TRPC5: variants seen among roughly 807,000 people sequenced by gnomAD.
TRPC5 encodes the protein transient receptor potential cation channel subfamily C member 5, also known as short transient receptor potential channel 5.
A neutral mutation model predicts 56.5 loss-of-function variants in TRPC5; 9 were observed. That is an observed-to-expected ratio of 0.16 (90% CI 0.10 to 0.28). The LOEUF (loss-of-function observed/expected upper bound fraction) is 0.28, where lower values mean the gene tolerates loss of function less well. Ranked by LOEUF, TRPC5 falls within the 10% of genes least tolerant of loss-of-function variation. The pLI is 1.00. For synonymous variants in TRPC5, 282 were observed against 278.5 expected (o/e 1.01, Z -0.13); for missense variants, 469 against 748.9 (o/e 0.63, Z 4.36).
chrX:111,848,979 G>C (rs1181914879), intron 5 of TRPC5, among the ~76,000 whole-genome samples: 3 of 112,069 alleles, frequency 2.7e-5, no homozygotes, highest in Non-Finnish European at 3.8e-5. Flanking sequence ...CAGACACTCA[G>C]TCTAGCACTA....
chrX:112,065,399 T>C (rs2147742325), intron 1 of TRPC5, among the ~76,000 whole-genome samples: 1 of 112,146 alleles, frequency 8.9e-6, no homozygotes, highest in South Asian at 3.8e-4. Context: ...GAATCCTCCT[T>C]TTCCCTTATT....
intron 1 of TRPC5, among the ~76,000 whole-genome samples, chrX:112,045,059 A>G (rs1929985605): frequency 8.9e-6 from 1 of 112,485 alleles, no homozygotes; most frequent in Admixed American, 9.5e-5. Context: ...CTGATAATAG[A>G]TAGTCCTTCC....
intron 2 of TRPC5, among the ~76,000 whole-genome samples, chrX:111,916,823 G>T (rs1925990582): frequency 8.9e-6 from 1 of 112,694 alleles, no homozygotes; most frequent in African/African-American, 3.2e-5. Flanking sequence ...ACAGTGTGCA[G>T]GCCAAGCAAA....
intron 3 of TRPC5, among the ~76,000 whole-genome samples, chrX:111,897,634 C>A (rs1160527463): frequency 9.0e-6 from 1 of 111,619 alleles, no homozygotes; most frequent in Admixed American, 9.5e-5. Context: ...AATCATACAG[C>A]ATATAATCTT....
intron 1 of TRPC5, among the ~76,000 whole-genome samples, chrX:111,997,576 G>A (rs1928575477): frequency 9.0e-6 from 1 of 111,266 alleles, no homozygotes; most frequent in African/African-American, 3.3e-5. Context: ...ATAATATCCT[G>A]AAGAGTGTTT....
intron 1 of TRPC5, among the ~76,000 whole-genome samples, chrX:111,964,011 C>T (rs1430540904): frequency 2.7e-5 from 3 of 111,096 alleles, no homozygotes; most frequent in South Asian, 3.8e-4. Context: ...AGGCTTCAGA[C>T]GATCAAACTA....
intron 3 of TRPC5, chrX:111,901,855 T>A (rs906166753): frequency 8.8e-7 from 1 of 1,131,205 alleles, no homozygotes; most frequent in African/African-American, 1.8e-5. Context: ...GCAGCATGGA[T>A]TCTGTGTTAA....
At position 111,771,780 on chromosome X, in the gene TRPC5, T is replaced by A. The variant is rs930374408; in HGVS notation, c.*4533A>T. ...GTTATTCTGACCTAAATGCTTTTTT[T>A]TTTTTTAAACAAAACCAGGAACCTC... is the stretch of plus-strand genomic sequence containing the variant. On this transcript the variant is annotated 3_prime_UTR_variant, in exon 11 of 11. Coordinates refer to ENST00000262839, the MANE Select transcript of TRPC5 (RefSeq NM_012471.3). Among the ~76,000 whole-genome samples the A allele has an allele frequency of 8.1e-5, 9 of 110,945 alleles. No homozygotes were observed. In the South Asian group the frequency reaches 3.5e-3, roughly 43 times the overall value.
intron 1 of TRPC5, among the ~76,000 whole-genome samples, chrX:111,978,393 G>A (rs575229480): frequency 1.8e-5 from 2 of 111,407 alleles, no homozygotes; most frequent in South Asian, 7.5e-4. Context: ...TCAAATTCAA[G>A]GAAGAAGAGA....
At chrX:111,968,006 C>T (rs1603122755) in intron 1 of TRPC5, among the ~76,000 whole-genome samples, 1 of 110,685 alleles carries the variant, frequency 9.0e-6, no homozygotes. Context: ...TTCTGCACAG[C>T]AAAAGAAACC....
intron 9 of TRPC5, among the ~76,000 whole-genome samples, chrX:111,779,687 C>T (rs1431769284): frequency 8.9e-6 from 1 of 112,068 alleles, no homozygotes; most frequent in Non-Finnish European, 1.9e-5. Context: ...ACTTATCACT[C>T]AATTTTCACA....
chrX:112,030,033 C>T (rs1929545212), intron 1 of TRPC5, among the ~76,000 whole-genome samples: 1 of 111,755 alleles, frequency 8.9e-6, no homozygotes, highest in Non-Finnish European at 1.9e-5. Context: ...CCATGTTGGT[C>T]AGGCTGGCCT....
intron 1 of TRPC5, among the ~76,000 whole-genome samples, chrX:112,009,432 T>C (rs1194912999): frequency 1.8e-5 from 2 of 111,376 alleles, no homozygotes; most frequent in African/African-American, 6.5e-5. Flanking sequence ...TTTCTTAAAC[T>C]CTCTTCCTCA....
chrX:111,985,207 G>A (rs1025584268), intron 1 of TRPC5, among the ~76,000 whole-genome samples: 2 of 112,114 alleles, frequency 1.8e-5, no homozygotes, highest in African/African-American at 6.5e-5. Context: ...TATAGGTCTG[G>A]AAGCCACTGT....
At chrX:112,002,661 T>C (rs758112008) in intron 1 of TRPC5, among the ~76,000 whole-genome samples, 3 of 112,012 alleles carry the variant, frequency 2.7e-5, no homozygotes, top group Non-Finnish European at 5.6e-5. Flanking sequence ...TGTAGTACCA[T>C]GTTCCAAGAC....
chrX:111,810,401 T>C (rs772627264), intron 7 of TRPC5, among the ~76,000 whole-genome samples: 30 of 111,398 alleles, frequency 2.7e-4, no homozygotes, highest in Non-Finnish European at 4.9e-4. Flanking sequence ...TAACAAATTG[T>C]CTTCTGTCTC....
chrX:112,014,560 G>A (rs903172828), intron 1 of TRPC5, among the ~76,000 whole-genome samples: 1 of 112,105 alleles, frequency 8.9e-6, no homozygotes, highest in Non-Finnish European at 1.9e-5. Flanking sequence ...TCCCTTGGAT[G>A]CTCAACAGCG....
At chrX:112,044,652 T>G (rs1929976763) in intron 1 of TRPC5, among the ~76,000 whole-genome samples, 1 of 112,401 alleles carries the variant, frequency 8.9e-6, no homozygotes. Context: ...GGCTACAGTT[T>G]GCTTTCTTCT....
chrX:111,941,902 T>C (rs1353594648), intron 2 of TRPC5, among the ~76,000 whole-genome samples: 1 of 112,196 alleles, frequency 8.9e-6, no homozygotes, highest in Non-Finnish European at 1.9e-5. Context: ...TGTGGGACTC[T>C]GCTGTAGCAA....
Sources: allele counts gnomAD v4.1 joint callset (sites outside exome capture counted in the v4.1 genomes callset), GRCh38; gene constraint gnomAD v4.1.1; transcripts MANE v1.5; gene names NCBI Gene and HGNC (gene_info 2026-07-23, HGNC 2026-07-21).